The following CD1B variants were observed in gnomAD, a reference collection of about 807,000 sequenced individuals.
CD1B encodes the protein CD1b molecule.
CD1B carries 43 observed loss-of-function variants against 39.8 expected under a neutral mutation model. The observed-to-expected ratio is 1.08, with a 90% CI of 0.85 to 1.39. The LOEUF is 1.39. Ranked by LOEUF, CD1B falls within the 40% of genes most tolerant of loss-of-function variation. CD1B has a pLI of 0.00. For missense variants in CD1B, 495 were observed against 403.8 expected (o/e 1.23, Z -1.94); for synonymous variants, 192 against 152.5 (o/e 1.26, Z -1.91).
At chr1:158,316,080 G>A in the CD1B span, among the ~76,000 whole-genome samples, 2 of 151,982 alleles carry the variant, frequency 1.3e-5, no homozygotes, top group Admixed American at 6.6e-5. Flanking sequence ...ATAGTTTGAA[G>A]TCAGGTAGTG....
At chr1:158,306,918 C>G in the CD1B span, among the ~76,000 whole-genome samples, 1 of 152,088 alleles carries the variant, frequency 6.6e-6, no homozygotes, top group Non-Finnish European at 1.5e-5. Flanking sequence ...ATCTCTGGGA[C>G]ACATTCAAGG....
the CD1B span, among the ~76,000 whole-genome samples, chr1:158,287,302 C>G: frequency 3.6e-4 from 54 of 152,106 alleles, no homozygotes; most frequent in Non-Finnish European, 6.6e-4. Flanking sequence ...CACACACACA[C>G]AGAGACAGAG....
rs1207754237 is a variant in CD1B, at chr1:158,328,009, G to A, written c.*227C>T. 1 of 423,588 alleles carries A rather than the reference G, an allele frequency of 2.4e-6. No homozygotes were observed. Among genetic ancestry groups the A allele is most frequent in the South Asian group, 6.1e-5 (1 of 16,296 alleles). The allele number at this position is 423,588 out of a possible 1,614,324, so 26.2% of individuals were successfully genotyped here. On this transcript the variant is annotated 3_prime_UTR_variant, in exon 6 of 6. Transcript: ENST00000368168. ...GACACATTTTTTCTAACATTTTAAT[G>A]TGTGTAAAATCAGGGTGAATCACAC...
At chr1:158,303,825 T>C in the CD1B span, among the ~76,000 whole-genome samples, 3 of 152,338 alleles carry the variant, frequency 2.0e-5, no homozygotes, top group South Asian at 6.2e-4. Context: ...GAATTAATGT[T>C]GTTAAAATTA....
chr1:158,317,435 C>G, the CD1B span, among the ~76,000 whole-genome samples: 103 of 152,258 alleles, frequency 6.8e-4, no homozygotes, highest in African/African-American at 2.4e-3. Flanking sequence ...TCTTGATTTT[C>G]TAGTTTATTT....
the CD1B span, among the ~76,000 whole-genome samples, chr1:158,310,842 A>G: frequency 2.0e-5 from 3 of 152,164 alleles, no homozygotes; most frequent in African/African-American, 7.2e-5. Flanking sequence ...CAGAGAAAAG[A>G]GAATACTTAC....
At chr1:158,292,428 A>G in the CD1B span, 3 of 1,537,786 alleles carry the variant, frequency 2.0e-6, no homozygotes, top group African/African-American at 4.1e-5. Flanking sequence ...TTCTGTTCCC[A>G]CCCTTCAAAC....
chr1:158,318,188 G>A, the CD1B span, among the ~76,000 whole-genome samples: 3 of 152,136 alleles, frequency 2.0e-5, no homozygotes, highest in South Asian at 4.1e-4. Context: ...TCCGCTTGGG[G>A]CAGAGCTGAG....
At chr1:158,311,306 T>G in the CD1B span, among the ~76,000 whole-genome samples, 2 of 152,310 alleles carry the variant, frequency 1.3e-5, no homozygotes, top group Admixed American at 6.5e-5. Flanking sequence ...TATTTACCTA[T>G]TGGTCATTCG....
the CD1B span, among the ~76,000 whole-genome samples, chr1:158,303,673 T>A: frequency 6.6e-6 from 1 of 152,140 alleles, no homozygotes; most frequent in African/African-American, 2.4e-5. Context: ...ACATTCACTA[T>A]AATCACAAAA....
the CD1B span, among the ~76,000 whole-genome samples, chr1:158,310,731 T>C: frequency 2.2e-3 from 342 of 152,164 alleles, 2 homozygotes; most frequent in African/African-American, 8.0e-3. Flanking sequence ...TCACTAATCA[T>C]CAGAGAAATG....
At chr1:158,299,393 G>T in the CD1B span, among the ~76,000 whole-genome samples, 1 of 152,172 alleles carries the variant, frequency 6.6e-6, no homozygotes, top group Non-Finnish European at 1.5e-5. Flanking sequence ...TAAGCTTTTT[G>T]ATGTGCTGCT....
the CD1B span, among the ~76,000 whole-genome samples, chr1:158,307,099 A>G: frequency 3.3e-5 from 5 of 152,224 alleles, no homozygotes; most frequent in Non-Finnish European, 7.4e-5. Context: ...ACTGAAGGAA[A>G]TAAGAGACAC....
chr1:158,313,606 G>T, the CD1B span, among the ~76,000 whole-genome samples: 1 of 152,200 alleles, frequency 6.6e-6, no homozygotes, highest in East Asian at 1.9e-4. Context: ...AACCACTTCT[G>T]TCCTGTAATT....
the CD1B span, among the ~76,000 whole-genome samples, chr1:158,288,087 T>C: frequency 6.6e-6 from 1 of 152,254 alleles, no homozygotes; most frequent in Admixed American, 6.5e-5. Context: ...ATGTGGTATC[T>C]ACTATTGTTT....
the CD1B span, chr1:158,293,166 G>A: frequency 2.1e-5 from 29 of 1,372,040 alleles, no homozygotes; most frequent in Admixed American, 4.7e-4. Context: ...AATAGAATCA[G>A]CAGTGAGTTT....
chr1:158,308,298 A>C, the CD1B span, among the ~76,000 whole-genome samples: 2 of 152,220 alleles, frequency 1.3e-5, no homozygotes, highest in Non-Finnish European at 2.9e-5. Flanking sequence ...CTCTTCAAGG[A>C]GAACTACAAA....
the CD1B span, among the ~76,000 whole-genome samples, chr1:158,294,366 G>A: frequency 0.12 from 17,800 of 152,224 alleles, 1,355 homozygotes; most frequent in East Asian, 0.38. Flanking sequence ...GTACTGAGTT[G>A]AGACAGGCAC....
chr1:158,301,182 G>T, the CD1B span, among the ~76,000 whole-genome samples: 3 of 151,888 alleles, frequency 2.0e-5, no homozygotes, highest in African/African-American at 4.8e-5. Flanking sequence ...GCCTATGTGT[G>T]TCTCTGCACT....
Sources: gnomAD v4.1 joint callset for allele counts (sites outside exome capture counted in the v4.1 genomes callset) on GRCh38, gnomAD v4.1.1 for gene constraint, MANE v1.5 for transcripts, NCBI Gene and HGNC (gene_info 2026-07-23, HGNC 2026-07-21) for gene names.